Variants in KCTD9 observed in about 807,000 individuals in gnomAD.
KCTD9 encodes potassium channel tetramerization domain containing 9.
In KCTD9, 17 loss-of-function variants were observed where a neutral mutation model predicts 53.3. The ratio of observed to expected loss-of-function variants is 0.32; its 90% CI spans 0.22 to 0.48. The LOEUF is 0.48. Ranked by LOEUF, KCTD9 falls within the 20% of genes least tolerant of loss-of-function variation. KCTD9 has a pLI of 0.99. For missense variants in KCTD9, 179 were observed against 465.5 expected (o/e 0.38, Z 5.66); for synonymous variants, 128 against 162.7 (o/e 0.79, Z 1.62).
chr8:25,435,348 T>A lies in KCTD9; in HGVS notation c.813+15A>T. The A allele has an allele frequency of 1.3e-6, 2 of 1,547,286 alleles. No individual in the cohort carries two copies. Among genetic ancestry groups the A allele is most frequent in the South Asian group, 2.5e-5 (2 of 81,064 alleles). On this transcript the variant is annotated intron_variant, in intron 9 of 11. Coordinates refer to ENST00000221200, the MANE Select transcript of KCTD9 (RefSeq NM_017634.4). Reference sequence around the variant, plus strand: ...AAACATTTAATTTTCTCTTGTAGCCTAAAATGATACTTACGTCAAGCACTG... The same window carrying A: ...AAACATTTAATTTTCTCTTGTAGCCAAAAATGATACTTACGTCAAGCACTG...
intron 10 of KCTD9, 150 bp downstream of exon 10, chr8:25,433,180 T>C: frequency 2.3e-6 from 1 of 431,452 alleles, no homozygotes; most frequent in Non-Finnish European, 4.1e-6. Flanking sequence ...TGGAGGTTTC[T>C]TACCACTTTG....
intron 11 of KCTD9, among the ~76,000 whole-genome samples, chr8:25,430,560 G>C (rs1419027840): frequency 6.6e-6 from 1 of 152,122 alleles, no homozygotes; most frequent in Non-Finnish European, 1.5e-5. Context: ...CTGTCTAGTT[G>C]CAAGAAAACA....
At chr8:25,435,990 G>T (rs565124551) in intron 8 of KCTD9, among the ~76,000 whole-genome samples, 3 of 152,242 alleles carry the variant, frequency 2.0e-5, no homozygotes, top group Non-Finnish European at 2.9e-5. Flanking sequence ...AAAAACTGCT[G>T]CAATTTCTAT....
At chr8:25,433,563 T>G in intron 9 of KCTD9, 128 bp from the exon 10 acceptor site, 2 of 453,068 alleles carry the variant, frequency 4.4e-6, no homozygotes, top group Non-Finnish European at 7.9e-6. Context: ...TCAATTTTAT[T>G]TTCTGTTTAC....
chr8:25,437,994 G>A (rs2117401372), intron 6 of KCTD9, among the ~76,000 whole-genome samples: 1 of 151,644 alleles, frequency 6.6e-6, no homozygotes, highest in East Asian at 2.0e-4. Flanking sequence ...AATGTAAAGA[G>A]TTTGGATGGA....
chr8:25,447,674 A>AGT, intron 1 of KCTD9, among the ~76,000 whole-genome samples: 1 of 152,334 alleles, frequency 6.6e-6, no homozygotes, highest in East Asian at 1.9e-4. Context: ...GATGAAAGCC[A>AGT]GAAGAGTGCT....
Position 25,428,679 on chromosome 8 carries a change from T to G in KCTD9, c.*1178A>C, listed in dbSNP as rs1418894041. 6.6e-6 allele frequency: 1 copy of G among 151,284 alleles called. No individual in the cohort carries two copies. The highest frequency in any genetic ancestry group is 1.5e-5 in the Non-Finnish European group (1 of 67,798). 9.4% of individuals were successfully genotyped at this position (151,284 alleles called of 1,614,324 possible). ...TTAAAAAAAAAAAACCACAAAAAAATAAGTAAAAGAATCACAGGTGCTGAC... is the reference window on the plus strand; with the variant it reads ...TTAAAAAAAAAAAACCACAAAAAAAGAAGTAAAAGAATCACAGGTGCTGAC... On this transcript the variant is annotated 3_prime_UTR_variant, in exon 12 of 12. Transcript: ENST00000221200.
intron 1 of KCTD9, chr8:25,450,414 G>T: frequency 2.0e-6 from 2 of 984,278 alleles, no homozygotes; most frequent in Non-Finnish European, 2.4e-6. Flanking sequence ...AATATTTCTT[G>T]AATGTTGAGT....
Position 25,429,698 on chromosome 8 carries a change from TC to T in KCTD9, c.*158del. On this transcript the variant is annotated 3_prime_UTR_variant, in exon 12 of 12. Transcript: ENST00000221200. ...GAATATGGAAAAAAAGTCAGTTTTT[TC>T]CCTTATGCACCACTCAAAACAAGCA... 1.7e-6 allele frequency: 1 copy of T among 573,000 alleles called. No homozygotes were observed. The highest frequency in any genetic ancestry group is 3.2e-6 in the Non-Finnish European group (1 of 310,004). 35.5% of individuals were successfully genotyped at this position (573,000 alleles called of 1,614,324 possible). A position where few individuals can be genotyped will look rare whatever the true frequency, so the allele number is the denominator to read the frequency against.
chr8:25,433,623 G>GA lies in KCTD9; in HGVS notation c.814-189dup, dbSNP rs549925854. Among the ~76,000 whole-genome samples the GA allele has an allele frequency of 6.9e-3, 1,054 of 152,180 alleles. 9 individuals carry two copies. The highest frequency in any genetic ancestry group is 0.012 in the Non-Finnish European group (821 of 67,970). ...CAGTAAGAACTGGGAACATTTGAAA[G>GA]AAAAATTTTTTTAAAGAACTGTTTT... On this transcript the variant is annotated intron_variant, in intron 9 of 11. Transcript: ENST00000221200.
intron 11 of KCTD9, 65 bp from the exon 12 acceptor site, chr8:25,430,038 C>A: frequency 1.1e-6 from 1 of 932,148 alleles, no homozygotes; most frequent in South Asian, 1.3e-5. Flanking sequence ...TATTTCTGCT[C>A]AAAATGATTT....
At chr8:25,453,124 C>A (rs563046532) in intron 1 of KCTD9, among the ~76,000 whole-genome samples, 1 of 152,078 alleles carries the variant, frequency 6.6e-6, no homozygotes, top group East Asian at 1.9e-4. Context: ...GTACTTTGGG[C>A]GGCTGAGGCG....
chr8:25,431,993 T>C (rs952199867), intron 11 of KCTD9, among the ~76,000 whole-genome samples: 1 of 152,216 alleles, frequency 6.6e-6, no homozygotes, highest in Admixed American at 6.5e-5. Flanking sequence ...AGCACAGATA[T>C]AGAACATGTC....
At chr8:25,453,635 C>A (rs1381938945) in intron 1 of KCTD9, among the ~76,000 whole-genome samples, 2 of 141,958 alleles carry the variant, frequency 1.4e-5, no homozygotes, top group Non-Finnish European at 1.5e-5. Flanking sequence ...ACCTGGGCGA[C>A]AGAGTGAGAC....
rs1438546373 is a variant in KCTD9 at position 25,436,154 on chromosome 8, A to G, written c.663+81T>C. ...TGTAAAAGAAAAACAAAGCAAGATA[A>G]TCCCAAAACACTAGAAGAATGTAAA... On this transcript the variant is annotated intron_variant, in intron 8 of 11. Transcript: ENST00000221200. 2.0e-5 allele frequency: 18 copies of G among 883,388 alleles called. No homozygotes were observed. The Admixed American group carries it at 3.5e-4, about 17-fold the overall frequency. 54.7% of individuals were successfully genotyped at this position (883,388 alleles called of 1,614,324 possible).
At chr8:25,440,466 A>AT (rs1802101579) in intron 4 of KCTD9, 111 bp downstream of exon 4, 1 of 766,362 alleles carries the variant, frequency 1.3e-6, no homozygotes, top group African/African-American at 1.7e-5. Context: ...ATCACATAGT[A>AT]TATTTAAGCA....
At chr8:25,456,353 T>A (rs1425213479) in intron 1 of KCTD9, among the ~76,000 whole-genome samples, 1 of 152,234 alleles carries the variant, frequency 6.6e-6, no homozygotes, top group Non-Finnish European at 1.5e-5. Context: ...GTCATGATCA[T>A]GCCAATCCAA....
intron 2 of KCTD9, among the ~76,000 whole-genome samples, chr8:25,445,170 A>G (rs1315551033): frequency 6.6e-6 from 1 of 152,196 alleles, no homozygotes; most frequent in Non-Finnish European, 1.5e-5. Context: ...TTTAAAATGT[A>G]GTGTATAGTA....
chr8:25,434,209 C>T (rs756360385), intron 9 of KCTD9, among the ~76,000 whole-genome samples: 18 of 152,194 alleles, frequency 1.2e-4, no homozygotes, highest in African/African-American at 2.7e-4. Flanking sequence ...AAGTGATTCT[C>T]GTGCCTCAGC....
Sources: allele counts gnomAD v4.1 joint callset (sites outside exome capture counted in the v4.1 genomes callset), GRCh38; gene constraint gnomAD v4.1.1; transcripts MANE v1.5; gene names NCBI Gene and HGNC (gene_info 2026-07-23, HGNC 2026-07-21).